PLCL1: variants seen among roughly 807,000 people sequenced by gnomAD.
PLCL1 encodes inactive phospholipase C-like protein 1.
In PLCL1, 41 loss-of-function variants were observed where a neutral mutation model predicts 84.4. That is an observed-to-expected ratio of 0.49 (90% CI 0.38 to 0.63). The LOEUF (loss-of-function observed/expected upper bound fraction) is 0.63. PLCL1 is among the 30% of genes least tolerant of loss of function. The pLI, the probability that PLCL1 is intolerant of heterozygous loss-of-function variation, is 0.00. For missense variants in PLCL1, 1,206 were observed against 1,367.8 expected (o/e 0.88, Z 1.87); for synonymous variants, 490 against 488.3 (o/e 1.00, Z -0.05).
At chr2:197,974,409 GA>G (rs1160617565) in intron 1 of PLCL1, among the ~76,000 whole-genome samples, 6 of 151,852 alleles carry the variant, frequency 4.0e-5, no homozygotes, top group African/African-American at 1.2e-4. Flanking sequence ...TTTCAGTCAG[GA>G]AAAAAAAGAA....
chr2:197,946,362 T>C (rs554060768), intron 1 of PLCL1, among the ~76,000 whole-genome samples: 1 of 151,966 alleles, frequency 6.6e-6, no homozygotes, highest in Non-Finnish European at 1.5e-5. Context: ...GTACATACGA[T>C]AGACAAGAGT....
intron 5 of PLCL1, among the ~76,000 whole-genome samples, chr2:198,116,051 A>G (rs1214879531): frequency 1.3e-5 from 2 of 149,410 alleles, no homozygotes; most frequent in African/African-American, 4.9e-5. Flanking sequence ...TTATGTGTGT[A>G]TATATGTATA....
chr2:197,829,710 A>C (rs1691015543), intron 1 of PLCL1, among the ~76,000 whole-genome samples: 1 of 152,166 alleles, frequency 6.6e-6, no homozygotes, highest in South Asian at 2.1e-4. Context: ...GTGCTATGCA[A>C]CTGGGAAGCA....
At position 198,118,004 on chromosome 2, in the gene PLCL1, C is replaced by G. The variant is rs183618064; in HGVS notation, c.3105+14068C>G. ...TATGTGTTATATCATAGGCTCGTTT[C>G]TTATATTAAACAACTCACTTATTAA... On this transcript the variant is annotated intron_variant, in intron 5 of 5. Transcript: ENST00000428675. 4.0e-3 allele frequency among the ~76,000 whole-genome samples: 602 copies of G among 151,878 alleles called. 5 individuals are homozygous for G. The highest frequency in any genetic ancestry group is 0.014 in the African/African-American group (568 of 41,472).
intron 1 of PLCL1, among the ~76,000 whole-genome samples, chr2:197,939,847 A>C (rs1689123823): frequency 6.6e-6 from 1 of 151,490 alleles, no homozygotes; most frequent in Non-Finnish European, 1.5e-5. Context: ...CAAATTTGAG[A>C]GTCAATGCCC....
chr2:197,962,814 AAAT>A (rs1448565262), intron 1 of PLCL1, among the ~76,000 whole-genome samples: 2 of 152,010 alleles, frequency 1.3e-5, no homozygotes, highest in Non-Finnish European at 2.9e-5. Context: ...TAGCTTCCAC[AAAT>A]AAGTGAGAAC....
At chr2:197,821,550 T>C (rs1053509099) in intron 1 of PLCL1, among the ~76,000 whole-genome samples, 4 of 152,176 alleles carry the variant, frequency 2.6e-5, no homozygotes, top group Non-Finnish European at 2.9e-5. Context: ...CCTTAAGATG[T>C]TGGCTTGTCC....
intron 1 of PLCL1, among the ~76,000 whole-genome samples, chr2:197,819,213 A>G (rs1169192296): frequency 6.6e-6 from 1 of 152,114 alleles, no homozygotes; most frequent in African/African-American, 2.4e-5. Flanking sequence ...CTAGAAAGGA[A>G]GTGTAGCAGG....
chr2:198,070,452 T>G (rs973052008), intron 1 of PLCL1, among the ~76,000 whole-genome samples: 1 of 152,066 alleles, frequency 6.6e-6, no homozygotes, highest in African/African-American at 2.4e-5. Flanking sequence ...TTTATAAGAC[T>G]AATTTTCCAG....
At chr2:197,943,657 T>G (rs1324395353) in intron 1 of PLCL1, among the ~76,000 whole-genome samples, 1 of 151,784 alleles carries the variant, frequency 6.6e-6, no homozygotes, top group Non-Finnish European at 1.5e-5. Context: ...GTTACTTTGT[T>G]GTGACTACAT....
intron 1 of PLCL1, among the ~76,000 whole-genome samples, chr2:197,905,339 A>T (rs1385477033): frequency 1.3e-5 from 2 of 152,248 alleles, no homozygotes; most frequent in Non-Finnish European, 2.9e-5. Context: ...GAGTGAGAAC[A>T]CGCAGTGTTC....
intron 1 of PLCL1, among the ~76,000 whole-genome samples, chr2:197,886,100 C>T (rs959353258): frequency 1.2e-4 from 19 of 152,186 alleles, no homozygotes; most frequent in African/African-American, 4.3e-4. Flanking sequence ...TGCTAAGATG[C>T]CAACACATAT....
At chr2:198,037,440 G>A (rs758011310) in intron 1 of PLCL1, among the ~76,000 whole-genome samples, 1 of 152,144 alleles carries the variant, frequency 6.6e-6, no homozygotes, top group Admixed American at 6.6e-5. Context: ...AGTTTTGTTC[G>A]ACCTTGCATT....
intron 1 of PLCL1, among the ~76,000 whole-genome samples, chr2:198,010,706 A>T (rs1690848348): frequency 6.6e-6 from 1 of 151,742 alleles, no homozygotes; most frequent in African/African-American, 2.4e-5. Context: ...TTTTTGGCAG[A>T]ATTTGAGGAG....
chr2:197,855,817 T>G (rs1335681884), intron 1 of PLCL1, among the ~76,000 whole-genome samples: 4 of 152,104 alleles, frequency 2.6e-5, no homozygotes, highest in Non-Finnish European at 1.5e-5. Flanking sequence ...AAAGACCAAT[T>G]CAGTGGCTAA....
intron 1 of PLCL1, among the ~76,000 whole-genome samples, chr2:197,976,998 G>A (rs79047803): frequency 0.012 from 1,774 of 152,188 alleles, 33 homozygotes; most frequent in African/African-American, 0.041. Flanking sequence ...GGACCGTTTG[G>A]TCTGCCATTT....
chr2:198,017,032 G>C (rs536009373), intron 1 of PLCL1, among the ~76,000 whole-genome samples: 1 of 152,254 alleles, frequency 6.6e-6, no homozygotes, highest in Admixed American at 6.5e-5. Context: ...AATGAAGGTG[G>C]AGCCATATGA....
At position 198,088,864 on chromosome 2, in the gene PLCL1, A is replaced by T. The variant is rs142389942; in HGVS notation, c.2722A>T (p.Ile908Phe). 1.5e-3 allele frequency: 2,327 copies of T among 1,601,206 alleles called. 1 individual carries two copies. Among genetic ancestry groups the T allele is most frequent in the Non-Finnish European group, 1.8e-3 (2,155 of 1,168,318 alleles). The change falls in exon 3 of 6, where the codon ATC (isoleucine) becomes TTC (phenylalanine). Residue 908 changes from isoleucine (I) to phenylalanine (F), a missense_variant. Physicochemically the swap from Ile to Phe is conservative, Grantham distance 21. Coordinates refer to ENST00000428675, the MANE Select transcript of PLCL1 (RefSeq NM_006226.4). ...CATGTTTTCTTCCTCACAGAATGCA[A>T]TCGTGTCTATTAAGGAACTATGTGG... ...IDMRENMQNAIVSIKELCGLP... is the reference protein window; with the variant it reads ...IDMRENMQNAFVSIKELCGLP...
intron 1 of PLCL1, among the ~76,000 whole-genome samples, chr2:197,834,279 A>T (rs1234382763): frequency 6.6e-6 from 1 of 152,214 alleles, no homozygotes; most frequent in African/African-American, 2.4e-5. Context: ...AAACAATGGC[A>T]ACAAAAGCCA....
Sources: allele counts gnomAD v4.1 joint callset (sites outside exome capture counted in the v4.1 genomes callset), GRCh38; gene constraint gnomAD v4.1.1; transcripts MANE v1.5; gene names NCBI Gene and HGNC (gene_info 2026-07-23, HGNC 2026-07-21).